Variants in PDZD2 observed in about 807,000 individuals in gnomAD.
PDZD2 encodes the protein PDZ domain containing 2.
In PDZD2, 90 loss-of-function variants were observed where a neutral mutation model predicts 220.7. The observed-to-expected ratio is 0.41, with a 90% CI of 0.34 to 0.49. The LOEUF is 0.49. Ranked by LOEUF, PDZD2 falls within the 20% of genes least tolerant of loss-of-function variation. PDZD2 has a pLI of 0.28. For missense variants in PDZD2, 3,174 were observed against 3,608.5 expected, an observed-to-expected ratio of 0.88 and a Z score of 3.08; for synonymous variants, 1,375 against 1,450.5, an observed-to-expected ratio of 0.95 and a Z score of 1.18.
chr5:31,902,937 C>T (rs902859827), intron 2 of PDZD2, among the ~76,000 whole-genome samples: 14 of 151,288 alleles, frequency 9.3e-5, no homozygotes, highest in Admixed American at 2.0e-4. Flanking sequence ...ATTGTTCCAG[C>T]ACCATTTATG....
intron 1 of PDZD2, among the ~76,000 whole-genome samples, chr5:31,641,204 A>G (rs1392471164): frequency 1.3e-5 from 2 of 152,338 alleles, no homozygotes; most frequent in Non-Finnish European, 2.9e-5. Context: ...TCTGTCCAGC[A>G]GGAGAAGGGA....
intron 8 of PDZD2, among the ~76,000 whole-genome samples, chr5:32,050,777 C>T (rs1027604699): frequency 1.3e-5 from 2 of 152,102 alleles, no homozygotes; most frequent in Non-Finnish European, 2.9e-5. Context: ...GCTGTGATCA[C>T]GCCACTGAAT....
intron 2 of PDZD2, among the ~76,000 whole-genome samples, chr5:31,946,520 C>T (rs1276957931): frequency 1.3e-5 from 2 of 152,096 alleles, no homozygotes; most frequent in Non-Finnish European, 2.9e-5. Context: ...TGCTCCCCGC[C>T]GCCATGTCAG....
intron 1 of PDZD2, among the ~76,000 whole-genome samples, chr5:31,707,149 G>T (rs1298554728): frequency 9.3e-6 from 1 of 107,244 alleles, no homozygotes; most frequent in Non-Finnish European, 1.7e-5. Context: ...ACCGGGGCCT[G>T]TCATGGGGTG....
rs543858500 is a variant in PDZD2, at chr5:32,074,630, G to A, written c.3524G>A (p.Gly1175Glu). Residue 1175 changes from glycine to glutamate, a missense_variant, in exon 18 of 25, where the codon GGA (glycine) becomes GAA (glutamate). Transcript: ENST00000438447. ...ACTGTCGCTGGCTTTCAGCCAGGTG[G>A]AGCTGTGGAGAAGGTAACTGACTTT... ...KVTVAGFQPG[G>E]AVEKESLGKL... is the part of the protein sequence containing the mutation. 8.7e-6 allele frequency: 14 copies of A among 1,604,102 alleles called. No homozygotes were observed. The South Asian group carries it at 1.3e-4, about 15-fold the overall frequency.
Position 32,058,037 on chromosome 5 carries a change from T to C in PDZD2, c.2134T>C (p.Ser712Pro). 1 of 1,613,322 alleles carries C rather than the reference T, an allele frequency of 6.2e-7. No homozygotes were observed. Among genetic ancestry groups the C allele is most frequent in the African/African-American group, 1.3e-5 (1 of 75,002 alleles). Reference protein sequence around the residue: ...SAGGSDEGSSSSLGRKTPGPK... With the variant: ...SAGGSDEGSSPSLGRKTPGPK... ...GGGAGGTTCCGATGAAGGCAGTTCT[T>C]CATCCCTGGGTCGGAAGACCCCTGG... The change falls in exon 12 of 25, where the codon TCA becomes CCA. Residue 712 changes from serine to proline, a missense_variant. Physicochemically the swap from Ser to Pro is moderately conservative, Grantham distance 74. Coordinates refer to ENST00000438447, the MANE Select transcript of PDZD2 (RefSeq NM_178140.4).
intron 19 of PDZD2, among the ~76,000 whole-genome samples, chr5:32,082,300 G>T (rs1742048587): frequency 6.6e-6 from 1 of 152,092 alleles, no homozygotes. Flanking sequence ...GGGATTACAG[G>T]CATAAGCCGC....
rs150986745 is a variant in PDZD2 at position 32,089,568 on chromosome 5, G to A, written c.6120G>A (p.Ala2040=). ...ACTCCGGGCCGGTGAGTCCGGCAGC[G>A]TCTAGGAACGGCATGTCCGTGGCAG... is the stretch of plus-strand genomic sequence containing the variant. The part of the protein sequence containing the change: ...RADSGPVSPA[A]SRNGMSVAGN... The change falls in exon 20 of 25, where the codon GCG becomes GCA. Residue 2040 remains alanine, a synonymous_variant. Coordinates refer to ENST00000438447, the MANE Select transcript of PDZD2 (RefSeq NM_178140.4). The A allele has an allele frequency of 3.3e-4, 526 of 1,612,298 alleles. 2 individuals are homozygous for A. The highest frequency in any genetic ancestry group is 3.5e-4 in the Non-Finnish European group (416 of 1,180,030).
At chr5:31,919,858 A>AATT (rs1554006735) in intron 2 of PDZD2, among the ~76,000 whole-genome samples, 1 of 148,474 alleles carries the variant, frequency 6.7e-6, no homozygotes, top group African/African-American at 2.5e-5. Context: ...CTAAAAAACA[A>AATT]TTTTTTTTTT....
In PDZD2 at chr5:32,087,603, G is replaced by A; in HGVS notation, c.4155G>A (p.Val1385=). The change falls in exon 20 of 25, where the codon GTG becomes GTA. Residue 1385 remains valine, a synonymous_variant. Transcript: ENST00000438447. This position sits in a 1 kb window ranked among gnomAD's most constrained non-coding sequence, Gnocchi z 4.0. Reference sequence around the variant, plus strand: ...CCCTGCTGGAGGGAGCAGATTCTGTGTCCTCAAGGGCACCGCAGGCCAGCC... The same window carrying A: ...CCCTGCTGGAGGGAGCAGATTCTGTATCCTCAAGGGCACCGCAGGCCAGCC... ...EPSLLEGADS[V]SSRAPQASLS... is the part of the protein sequence containing the mutation. The A allele has an allele frequency of 1.9e-6, 3 of 1,614,116 alleles. No individual in the cohort carries two copies. Among genetic ancestry groups the A allele is most frequent in the Non-Finnish European group, 2.5e-6 (3 of 1,180,008 alleles).
At chr5:31,847,337 C>A in intron 2 of PDZD2, 1 of 377,514 alleles carries the variant, frequency 2.6e-6, no homozygotes, top group Non-Finnish European at 5.0e-6. Flanking sequence ...ATTTAGAAGA[C>A]GACAAGAGGG....
rs188464030 is a variant in PDZD2, at chr5:31,823,150, G to A, written c.476+23426G>A. On this transcript the variant is annotated intron_variant, in intron 2 of 24. Coordinates refer to ENST00000438447, the MANE Select transcript of PDZD2 (RefSeq NM_178140.4). ...AATGGTCTTCATTCTCGCAGTAGAC[G>A]TGGCAAAAAAAAAAAAAAAAAAAAA... 1,166 of 119,254 alleles carry A rather than the reference G, an allele frequency of 9.8e-3. 10 individuals are homozygous for A. The highest frequency in any genetic ancestry group is 0.015 in the Admixed American group (118 of 7,854). 7.4% of individuals were successfully genotyped at this position (119,254 alleles called of 1,614,324 possible).
chr5:31,830,016 G>A (rs1580842325), intron 2 of PDZD2, among the ~76,000 whole-genome samples: 2 of 151,944 alleles, frequency 1.3e-5, no homozygotes, highest in African/African-American at 2.4e-5. Flanking sequence ...CCACTGCACT[G>A]TAGCCTGGGT....
At chr5:31,870,123 C>T (rs1429957847) in intron 2 of PDZD2, among the ~76,000 whole-genome samples, 1 of 152,152 alleles carries the variant, frequency 6.6e-6, no homozygotes, top group African/African-American at 2.4e-5. Flanking sequence ...CTTTGGATTC[C>T]TCCGGAGTTC....
At chr5:31,955,017 G>A (rs1322734621) in intron 2 of PDZD2, among the ~76,000 whole-genome samples, 1 of 152,170 alleles carries the variant, frequency 6.6e-6, no homozygotes, top group African/African-American at 2.4e-5. Context: ...CCCCGCCGGG[G>A]TTGAGCACTG....
chr5:31,876,769 T>A (rs1739340958), intron 2 of PDZD2, among the ~76,000 whole-genome samples: 1 of 152,208 alleles, frequency 6.6e-6, no homozygotes, highest in Non-Finnish European at 1.5e-5. Context: ...GAGTATAATA[T>A]AACACAGGGC....
At chr5:31,918,954 C>G (rs1343091074) in intron 2 of PDZD2, among the ~76,000 whole-genome samples, 2 of 152,242 alleles carry the variant, frequency 1.3e-5, no homozygotes, top group African/African-American at 2.4e-5. Context: ...TGAGTGCTGA[C>G]TTCTGAGTCT....
At chr5:31,965,285 T>C (rs1164866432) in intron 2 of PDZD2, among the ~76,000 whole-genome samples, 1 of 152,162 alleles carries the variant, frequency 6.6e-6, no homozygotes, top group Non-Finnish European at 1.5e-5. Context: ...CAGGTATGTG[T>C]AGAGGCTGGA....
chr5:32,093,126 C>T, intron 21 of PDZD2, 102 bp downstream of exon 21: 1 of 681,188 alleles, frequency 1.5e-6, no homozygotes, highest in Non-Finnish European at 2.6e-6. Context: ...GCCCCGAGTC[C>T]TGGAGAGGGA....
Sources: gnomAD v4.1 joint callset for allele counts (sites outside exome capture counted in the v4.1 genomes callset) on GRCh38, gnomAD v4.1.1 for gene constraint, Gnocchi (gnomAD v3.1) non-coding constraint, MANE v1.5 for transcripts, NCBI Gene and HGNC (gene_info 2026-07-23, HGNC 2026-07-21) for gene names.